The following LRRC36 variants were observed in gnomAD, a reference collection of about 807,000 sequenced individuals.
The protein encoded by LRRC36 is leucine rich repeat containing 36.
In LRRC36, 62 loss-of-function variants were observed where a neutral mutation model predicts 81.1. The ratio of observed to expected loss-of-function variants is 0.76; its 90% CI spans 0.62 to 0.94. LRRC36 has a LOEUF of 0.94. Ranked by LOEUF, LRRC36 falls within the 40% of genes least tolerant of loss-of-function variation. The pLI, the probability that LRRC36 is intolerant of heterozygous loss-of-function variation, is 0.00. For missense variants in LRRC36, 761 were observed against 881.7 expected, an observed-to-expected ratio of 0.86 and a Z score of 1.73; for synonymous variants, 334 against 348.6, an observed-to-expected ratio of 0.96 and a Z score of 0.47.
chr16:67,357,097 G>A (rs1227502840), intron 5 of LRRC36, among the ~76,000 whole-genome samples: 1 of 152,134 alleles, frequency 6.6e-6, no homozygotes, highest in African/African-American at 2.4e-5. Context: ...ATGCAGATGA[G>A]GAAGCACAGA....
rs1343985081 is a variant in LRRC36 at position 67,371,158 on chromosome 16, A to C, written c.1410A>C (p.Pro470=). ...TTTTTACCAAGAGGTCACTAAGCCC[A>C]TCGAAGAGAGGATTCAAATGGAAGG... ...RKIFTKRSLS[P]SKRGFKWKDN... Residue 470 remains proline (P), a synonymous_variant, in exon 9 of 14, where the codon CCA becomes CCC. Transcript: ENST00000329956. 6.2e-7 allele frequency: 1 copy of C among 1,614,104 alleles called. No individual in the cohort carries two copies. Among genetic ancestry groups the C allele is most frequent in the African/African-American group, 1.3e-5 (1 of 74,936 alleles).
chr16:67,364,238 T>G (rs1427622925), intron 6 of LRRC36, among the ~76,000 whole-genome samples: 1 of 151,490 alleles, frequency 6.6e-6, no homozygotes, highest in Non-Finnish European at 1.5e-5. Flanking sequence ...GGGGGAGGAG[T>G]GAAAAATAAG....
chr16:67,327,014 C>T (rs1475618804), intron 1 of LRRC36, 82 bp downstream of exon 1: 3 of 1,344,570 alleles, frequency 2.2e-6, no homozygotes, highest in Non-Finnish European at 2.9e-6. Context: ...AGGCGGGGAA[C>T]CTGAGATAGA....
chr16:67,329,873 G>A (rs139556927), intron 1 of LRRC36, among the ~76,000 whole-genome samples: 65 of 152,180 alleles, frequency 4.3e-4, no homozygotes, highest in African/African-American at 1.4e-3. Flanking sequence ...AGCTGAGATC[G>A]CGTCACTGCA....
At position 67,347,497 on chromosome 16, in the gene LRRC36, G is replaced by T; in HGVS notation, c.394G>T (p.Asp132Tyr). The stretch of plus-strand genomic sequence containing the variant: ...CAGACCACGGTTTTTGCCTCCAGAT[G>T]ACCGAACTGTACGTGAAGGTGAGAG... Reference protein sequence around the residue: ...YTLQTLEKLDDRTVREGERKA... With the variant: ...YTLQTLEKLDYRTVREGERKA... Residue 132 changes from aspartate to tyrosine, a missense_variant and splice_region_variant, in exon 4 of 14, where the codon GAC (aspartate) becomes TAC (tyrosine). Around this residue, in one of 3 missense-constraint regions of LRRC36, gnomAD observed 263 missense variants for 279.3 expected, o/e 0.94. Coordinates refer to ENST00000329956, the MANE Select transcript of LRRC36 (RefSeq NM_018296.6). 6.2e-7 allele frequency: 1 copy of T among 1,612,946 alleles called. No homozygotes were observed. Among genetic ancestry groups the T allele is most frequent in the South Asian group, 1.1e-5 (1 of 90,952 alleles).
At chr16:67,344,390 G>A (rs2038244291) in intron 2 of LRRC36, among the ~76,000 whole-genome samples, 1 of 152,044 alleles carries the variant, frequency 6.6e-6, no homozygotes, top group Non-Finnish European at 1.5e-5. Flanking sequence ...TTTGAGACTA[G>A]CTTGAGCAAT....
At position 67,354,898 on chromosome 16, in the gene LRRC36, C is replaced by G. The variant is rs184340334; in HGVS notation, c.577+4608C>G. 2.6e-5 allele frequency among the ~76,000 whole-genome samples: 4 copies of G among 152,320 alleles called. No homozygotes were observed. The East Asian group carries it at 7.7e-4, about 29-fold the overall frequency. Reference sequence around the variant, plus strand: ...ATAGCTTCACTGCCCTATGAATTCTCTGTGCTTACCTATTTATTCCTTCAT... The same window carrying G: ...ATAGCTTCACTGCCCTATGAATTCTGTGTGCTTACCTATTTATTCCTTCAT... On this transcript the variant is annotated intron_variant, in intron 5 of 13. Transcript: ENST00000329956.
chr16:67,347,865 A>G (rs549443683), intron 4 of LRRC36, among the ~76,000 whole-genome samples: 2 of 152,308 alleles, frequency 1.3e-5, no homozygotes, highest in South Asian at 4.1e-4. Context: ...GGATACTATG[A>G]GATTACTTAT....
chr16:67,331,726 G>A (rs1297281488), intron 1 of LRRC36, among the ~76,000 whole-genome samples: 2 of 152,092 alleles, frequency 1.3e-5, no homozygotes, highest in Admixed American at 6.5e-5. Flanking sequence ...AGTGGCTCAC[G>A]CCTGTAATCC....
In LRRC36 at chr16:67,375,391, C is replaced by T. The variant is rs1171393382; in HGVS notation, c.1639C>T (p.Leu547Phe). The T allele has an allele frequency of 3.8e-6, 6 of 1,585,300 alleles. No homozygotes were observed. The highest frequency in any genetic ancestry group is 4.3e-6 in the Non-Finnish European group (5 of 1,172,020). ...DKHWNGSGSL[L>F]LNKKFLGPAR... ...GCACTGGAATGGCTCCGGCTCCCTC[C>T]TCCTCAACAAGAAGTTTCTCGGTGA... The change falls in exon 10 of 14, where the codon CTC (leucine) becomes TTC (phenylalanine). Residue 547 changes from leucine (L) to phenylalanine (F), a missense_variant. Physicochemically the swap from Leu to Phe is conservative, Grantham distance 22. Transcript: ENST00000329956.
At chr16:67,376,310 AAAAC>A (rs533880653) in intron 10 of LRRC36, among the ~76,000 whole-genome samples, 74 of 152,220 alleles carry the variant, frequency 4.9e-4, no homozygotes, top group Non-Finnish European at 7.1e-4. Context: ...TCCGTCTCGG[AAAAC>A]AAACAAACAA....
chr16:67,370,364 G>A (rs1042008944), intron 8 of LRRC36, among the ~76,000 whole-genome samples: 5 of 152,140 alleles, frequency 3.3e-5, no homozygotes, highest in East Asian at 1.9e-4. Flanking sequence ...AGGAGATGCC[G>A]GGCACAGTGG....
At chr16:67,331,374 A>T (rs1479147345) in intron 1 of LRRC36, among the ~76,000 whole-genome samples, 1 of 152,058 alleles carries the variant, frequency 6.6e-6, no homozygotes, top group Non-Finnish European at 1.5e-5. Flanking sequence ...AAATTTAAAA[A>T]TTAACTGGGT....
At chr16:67,368,266 T>C (rs561038120) in intron 8 of LRRC36, among the ~76,000 whole-genome samples, 2 of 152,296 alleles carry the variant, frequency 1.3e-5, no homozygotes, top group South Asian at 4.1e-4. Flanking sequence ...TCTCATGGGG[T>C]AAGACACATG....
intron 13 of LRRC36, among the ~76,000 whole-genome samples, chr16:67,382,571 C>T (rs1220366284): frequency 1.3e-5 from 2 of 152,132 alleles, no homozygotes; most frequent in Non-Finnish European, 2.9e-5. Context: ...CCATCTGGCT[C>T]CTCTGGAAAG....
At chr16:67,361,278 C>T (rs1303449610) in intron 5 of LRRC36, among the ~76,000 whole-genome samples, 1 of 152,120 alleles carries the variant, frequency 6.6e-6, no homozygotes, top group Non-Finnish European at 1.5e-5. Flanking sequence ...GTGATCCACC[C>T]ACCTGGGCCT....
chr16:67,381,442 A>G (rs2040107320), intron 12 of LRRC36, among the ~76,000 whole-genome samples: 1 of 152,118 alleles, frequency 6.6e-6, no homozygotes, highest in Non-Finnish European at 1.5e-5. Flanking sequence ...TTCACATACT[A>G]CGTAGGGAGT....
chr16:67,346,808 G>A (rs1308409238), intron 3 of LRRC36, among the ~76,000 whole-genome samples: 3 of 152,056 alleles, frequency 2.0e-5, no homozygotes, highest in Non-Finnish European at 2.9e-5. Flanking sequence ...TTAGTTGGGG[G>A]CTTAGTTGAA....
chr16:67,383,343 CTTTTCA>C (rs1473180668), intron 13 of LRRC36, among the ~76,000 whole-genome samples: 3 of 152,172 alleles, frequency 2.0e-5, no homozygotes, highest in African/African-American at 4.8e-5. Flanking sequence ...GTCTGAAAAG[CTTTTCA>C]TTATAATTAT....
Sources: allele counts gnomAD v4.1 joint callset (sites outside exome capture counted in the v4.1 genomes callset), GRCh38; gene constraint gnomAD v4.1.1; regional missense constraint gnomAD v4.1.1; transcripts MANE v1.5; gene names NCBI Gene and HGNC (gene_info 2026-07-23, HGNC 2026-07-21).